The following ACOT7 variants were observed in gnomAD, a reference collection of about 807,000 sequenced individuals.
The protein encoded by ACOT7 is acyl-CoA thioesterase 7.
Under a neutral mutation model 40.2 loss-of-function variants are expected in ACOT7, and 12 were observed. That is an observed-to-expected ratio of 0.30 (90% CI 0.19 to 0.48). The LOEUF (loss-of-function observed/expected upper bound fraction) is 0.48, where lower values mean the gene tolerates loss of function less well. ACOT7 is among the 20% of genes least tolerant of loss of function. ACOT7 has a pLI of 0.99. For missense variants in ACOT7, 395 were observed against 530.8 expected, an observed-to-expected ratio of 0.74 and a Z score of 2.51; for synonymous variants, 228 against 219.5, an observed-to-expected ratio of 1.04 and a Z score of -0.34.
chr1:6,323,238 G>C (rs1640696237), intron 5 of ACOT7, among the ~76,000 whole-genome samples: 1 of 152,216 alleles, frequency 6.6e-6, no homozygotes, highest in Admixed American at 6.5e-5. Flanking sequence ...CGGCTACTGA[G>C]AAACATTACT....
intron 8 of ACOT7, among the ~76,000 whole-genome samples, chr1:6,273,310 C>T (rs2148368557): frequency 6.6e-6 from 1 of 152,360 alleles, no homozygotes; most frequent in South Asian, 2.1e-4. Flanking sequence ...GCGCCAACCT[C>T]CTTCTCAGCA....
chr1:6,329,382 T>C (rs1640893792), intron 4 of ACOT7, among the ~76,000 whole-genome samples: 1 of 152,208 alleles, frequency 6.6e-6, no homozygotes, highest in Non-Finnish European at 1.5e-5. Context: ...CACGTCCTAA[T>C]GTTCCACCGG....
intron 7 of ACOT7, among the ~76,000 whole-genome samples, chr1:6,290,457 G>A (rs1277073773): frequency 2.0e-5 from 3 of 152,180 alleles, no homozygotes; most frequent in Non-Finnish European, 2.9e-5. Flanking sequence ...TGAGGGGCAC[G>A]GGCTGTGACC....
At chr1:6,287,270 A>C (rs2148386665) in intron 7 of ACOT7, among the ~76,000 whole-genome samples, 1 of 152,338 alleles carries the variant, frequency 6.6e-6, no homozygotes, top group South Asian at 2.1e-4. Flanking sequence ...GGTGGGGTTT[A>C]GGCCAGGTCG....
chr1:6,309,334 G>A (rs1350388351), intron 6 of ACOT7, among the ~76,000 whole-genome samples: 1 of 152,210 alleles, frequency 6.6e-6, no homozygotes, highest in African/African-American at 2.4e-5. Flanking sequence ...GGGGATTGCA[G>A]TAGGGGGCTG....
At chr1:6,388,892 T>G (rs545540810) in intron 1 of ACOT7, among the ~76,000 whole-genome samples, 3 of 151,312 alleles carry the variant, frequency 2.0e-5, no homozygotes, top group Admixed American at 6.6e-5. Flanking sequence ...CAAAAAAAAA[T>G]TAGCCGGGTG....
intron 1 of ACOT7, among the ~76,000 whole-genome samples, chr1:6,382,062 C>T (rs546506594): frequency 2.0e-5 from 3 of 150,258 alleles, no homozygotes; most frequent in Admixed American, 1.3e-4. Context: ...GGCATGAACC[C>T]GGGAGGCGGA....
At chr1:6,338,000 C>CAAAAA (rs769360339) in intron 3 of ACOT7, among the ~76,000 whole-genome samples, 9 of 71,782 alleles carry the variant, frequency 1.3e-4, no homozygotes, top group Admixed American at 3.3e-4. Flanking sequence ...GACACCATCT[C>CAAAAA]AAAAAAAAAA....
chr1:6,318,082 G>A (rs1269310801), intron 6 of ACOT7, among the ~76,000 whole-genome samples: 4 of 151,714 alleles, frequency 2.6e-5, no homozygotes, highest in Admixed American at 2.6e-4. Context: ...TTGAGATAGG[G>A]TCTCGTTCTG....
rs58439931 is a variant in ACOT7 at position 6,335,327 on chromosome 1, C to CAA, written c.419-1761_419-1760dup. Among the ~76,000 whole-genome samples, 326 of 58,284 alleles carry CAA rather than the reference C, an allele frequency of 5.6e-3. 2 individuals are homozygous for CAA. The highest frequency in any genetic ancestry group is 0.018 in the African/African-American group (293 of 16,018). The allele number at this position is 58,284 out of a possible 152,430, so 38.2% of individuals were successfully genotyped here. On this transcript the variant is annotated intron_variant, in intron 3 of 8. Transcript: ENST00000361521. ...GGGCAACGAGAGCAAAACTCTGCCT[C>CAA]AAAAAAAAAAAAAAAAAAAAAAAAA...
chr1:6,377,961 TC>T (rs1642264388), intron 1 of ACOT7, among the ~76,000 whole-genome samples: 1 of 151,994 alleles, frequency 6.6e-6, no homozygotes, highest in Non-Finnish European at 1.5e-5. Flanking sequence ...TCCCAGCTAC[TC>T]GGGAGGCTGA....
At chr1:6,348,155 T>A (rs145048810) in intron 2 of ACOT7, among the ~76,000 whole-genome samples, 387 of 151,998 alleles carry the variant, frequency 2.5e-3, no homozygotes, top group African/African-American at 8.7e-3. Context: ...CACCGGAGCC[T>A]CGGGTCCAAA....
At chr1:6,348,761 G>C (rs562730232) in intron 2 of ACOT7, among the ~76,000 whole-genome samples, 9 of 152,294 alleles carry the variant, frequency 5.9e-5, no homozygotes, top group South Asian at 4.1e-4. Context: ...TCTTAGTTCC[G>C]GCAGCCCAGG....
At chr1:6,296,850 G>A (rs1462127131) in intron 6 of ACOT7, among the ~76,000 whole-genome samples, 1 of 152,124 alleles carries the variant, frequency 6.6e-6, no homozygotes, top group Admixed American at 6.5e-5. Flanking sequence ...GGGATTACAG[G>A]AGTAAAGTAG....
chr1:6,288,237 C>G lies in ACOT7; in HGVS notation c.829+6627G>C, dbSNP rs931754702. On this transcript the variant is annotated intron_variant, in intron 7 of 8. Coordinates refer to ENST00000361521, the MANE Select transcript of ACOT7 (RefSeq NM_007274.4). This position sits in a 1 kb window ranked among gnomAD's most constrained non-coding sequence, Gnocchi z 4.3. ...GGGCTCCAGCCTGTCGTGGCCCTCGCGTCCCCAGCACCAACTCCGTTGCTG... is the reference window on the plus strand; with the variant it reads ...GGGCTCCAGCCTGTCGTGGCCCTCGGGTCCCCAGCACCAACTCCGTTGCTG... Among the ~76,000 whole-genome samples the G allele has an allele frequency of 6.6e-6, 1 of 152,200 alleles. No homozygotes were observed. The highest frequency in any genetic ancestry group is 1.5e-5 in the Non-Finnish European group (1 of 68,034).
At chr1:6,328,627 A>G (rs1289085061) in intron 4 of ACOT7, among the ~76,000 whole-genome samples, 1 of 152,180 alleles carries the variant, frequency 6.6e-6, no homozygotes, top group Non-Finnish European at 1.5e-5. Flanking sequence ...GGTTGCAGTG[A>G]GCCGAGATTG....
Position 6,282,405 on chromosome 1 carries a change from G to A in ACOT7, c.830-1119C>T, listed in dbSNP as rs570227836. On this transcript the variant is annotated intron_variant, in intron 7 of 8. Coordinates refer to ENST00000361521, the MANE Select transcript of ACOT7 (RefSeq NM_007274.4). This position sits in a 1 kb window ranked among gnomAD's most constrained non-coding sequence, Gnocchi z 4.5. ...ACTTCCGGGGCAAGTGCTGCCCTGC[G>A]GTCAGAATGCCCTCCCAGGCGGCCC... Among the ~76,000 whole-genome samples, 58 of 152,290 alleles carry A rather than the reference G, an allele frequency of 3.8e-4. No homozygotes were observed. Among genetic ancestry groups the A allele is most frequent in the Non-Finnish European group, 7.6e-4 (52 of 68,016 alleles).
intron 8 of ACOT7, among the ~76,000 whole-genome samples, chr1:6,277,103 T>A (rs775899858): frequency 1.6e-4 from 25 of 152,168 alleles, no homozygotes; most frequent in Non-Finnish European, 2.5e-4. Context: ...CAGGCTGCTA[T>A]CCACACAAGG....
rs962916566 is a variant in ACOT7, at chr1:6,294,119, C to T, written c.829+745G>A. ...CCTCAGAATCAGCACCAGGCCCTGA[C>T]GATGCTGACACCACCCTCGGTCTGT... On this transcript the variant is annotated intron_variant, in intron 7 of 8. Coordinates refer to ENST00000361521, the MANE Select transcript of ACOT7 (RefSeq NM_007274.4). This position sits in a 1 kb window ranked among gnomAD's most constrained non-coding sequence, Gnocchi z 4.6. 1.3e-5 allele frequency among the ~76,000 whole-genome samples: 2 copies of T among 152,258 alleles called. No individual in the cohort carries two copies. Among genetic ancestry groups the T allele is most frequent in the Admixed American group, 6.5e-5 (1 of 15,286 alleles).
Sources: allele counts gnomAD v4.1 joint callset (sites outside exome capture counted in the v4.1 genomes callset), GRCh38; gene constraint gnomAD v4.1.1; non-coding constraint Gnocchi (gnomAD v3.1); transcripts MANE v1.5; gene names NCBI Gene and HGNC (gene_info 2026-07-23, HGNC 2026-07-21).